The following MBNL2 variants were observed in gnomAD, a reference collection of about 807,000 sequenced individuals.
MBNL2 encodes the protein muscleblind like splicing regulator 2.
A neutral mutation model predicts 41.9 loss-of-function variants in MBNL2; 17 were observed. That is an observed-to-expected ratio of 0.41 (90% CI 0.28 to 0.61). The LOEUF (loss-of-function observed/expected upper bound fraction) is 0.61, where lower values mean the gene tolerates loss of function less well. MBNL2 is among the 20% of genes least tolerant of loss of function. The pLI is 0.35. For synonymous variants in MBNL2, 195 were observed against 182.9 expected (o/e 1.07, Z -0.53); for missense variants, 336 against 505.6 (o/e 0.66, Z 3.22).
At chr13:97,280,140 A>C (rs1456798850) in intron 2 of MBNL2, among the ~76,000 whole-genome samples, 1 of 152,216 alleles carries the variant, frequency 6.6e-6, no homozygotes. Flanking sequence ...GGCCTTGACC[A>C]CATTAACCGT....
chr13:97,355,803 A>AG (rs1339105832), intron 5 of MBNL2, among the ~76,000 whole-genome samples: 3 of 152,140 alleles, frequency 2.0e-5, no homozygotes, highest in Non-Finnish European at 4.4e-5. Flanking sequence ...TGCTATTTTT[A>AG]GCTGTTGTAT....
the MBNL2 span, among the ~76,000 whole-genome samples, chr13:97,205,242 T>G: frequency 6.8e-6 from 1 of 146,482 alleles, no homozygotes; most frequent in South Asian, 2.1e-4. Context: ...ATATATAAAT[T>G]AGTACCTGCT....
the MBNL2 span, among the ~76,000 whole-genome samples, chr13:97,188,342 A>G: frequency 6.6e-6 from 1 of 152,182 alleles, no homozygotes; most frequent in Non-Finnish European, 1.5e-5. Context: ...AAGTACACTC[A>G]TGCACAAATA....
chr13:97,305,105 TTACC>T (rs1174690734), intron 2 of MBNL2, among the ~76,000 whole-genome samples: 1 of 152,248 alleles, frequency 6.6e-6, no homozygotes, highest in Non-Finnish European at 1.5e-5. Context: ...TAAGTGCTAA[TTACC>T]ACCTTCACAG....
At chr13:97,321,835 A>T (rs1403189651) in intron 2 of MBNL2, among the ~76,000 whole-genome samples, 1 of 152,152 alleles carries the variant, frequency 6.6e-6, no homozygotes, top group Non-Finnish European at 1.5e-5. Context: ...GACTGCACAG[A>T]TCTGCCACTT....
chr13:97,348,142 A>T, intron 5 of MBNL2, among the ~76,000 whole-genome samples: 1 of 144,216 alleles, frequency 6.9e-6, no homozygotes, highest in East Asian at 2.0e-4. Flanking sequence ...TGGAATGATC[A>T]TGGGTCACTG....
the MBNL2 span, among the ~76,000 whole-genome samples, chr13:97,154,422 C>A: frequency 6.6e-6 from 1 of 152,122 alleles, no homozygotes; most frequent in Admixed American, 6.6e-5. Context: ...TCAAGCAATT[C>A]TCCTGCCTCA....
rs775745316 is a variant in MBNL2 at position 97,276,232 on chromosome 13, C to A, written c.-4C>A. 1.2e-6 allele frequency: 2 copies of A among 1,610,898 alleles called. No homozygotes were observed. Among genetic ancestry groups the A allele is most frequent in the Admixed American group, 3.3e-5 (2 of 59,808 alleles). On this transcript the variant is annotated 5_prime_UTR_variant, in exon 2 of 9. Transcript: ENST00000679496. ...AAACAAACAGCCCAAATTACTTTAT[C>A]ACCATGGCTTTGAACGTTGCCCCAG...
chr13:97,220,888 A>G (rs1566347376), upstream of MBNL2, among the ~76,000 whole-genome samples: 1 of 152,244 alleles, frequency 6.6e-6, no homozygotes, highest in Non-Finnish European at 1.5e-5. Context: ...AAGTATATTA[A>G]TAATTAAAAG....
chr13:97,300,636 T>G (rs934693758), intron 2 of MBNL2, among the ~76,000 whole-genome samples: 5 of 152,216 alleles, frequency 3.3e-5, no homozygotes, highest in Non-Finnish European at 7.3e-5. Context: ...ACCTCCGAAC[T>G]GACCTCTCTT....
chr13:97,313,614 G>T (rs1276542980), intron 2 of MBNL2, among the ~76,000 whole-genome samples: 1 of 152,214 alleles, frequency 6.6e-6, no homozygotes. Flanking sequence ...TCAGCCTGCT[G>T]CCTAAACAGC....
intron 2 of MBNL2, among the ~76,000 whole-genome samples, chr13:97,322,772 G>A (rs569098254): frequency 5.3e-5 from 8 of 152,068 alleles, no homozygotes; most frequent in Non-Finnish European, 7.4e-5. Context: ...ACTTCTTCCC[G>A]GAAGCATTCC....
At chr13:97,151,425 G>A in the MBNL2 span, among the ~76,000 whole-genome samples, 100 of 152,192 alleles carry the variant, frequency 6.6e-4, no homozygotes, top group African/African-American at 2.3e-3. Flanking sequence ...TTCTAGCATG[G>A]GAAAACACCA....
the MBNL2 span, among the ~76,000 whole-genome samples, chr13:97,183,234 C>T: frequency 6.6e-6 from 1 of 152,124 alleles, no homozygotes; most frequent in Non-Finnish European, 1.5e-5. Flanking sequence ...CTCTGTGTGT[C>T]TCTCTATCCC....
chr13:97,324,969 T>G (rs1381831522), intron 2 of MBNL2, among the ~76,000 whole-genome samples: 12 of 152,198 alleles, frequency 7.9e-5, no homozygotes, highest in Admixed American at 7.9e-4. Context: ...AGGGTGGGTC[T>G]GCCTCTCCCA....
At chr13:97,362,628 G>A (rs914875322) in intron 7 of MBNL2, among the ~76,000 whole-genome samples, 7 of 152,116 alleles carry the variant, frequency 4.6e-5, no homozygotes, top group East Asian at 3.9e-4. Context: ...TAGACCACAC[G>A]GGACCTTTAT....
intron 2 of MBNL2, among the ~76,000 whole-genome samples, chr13:97,310,141 C>A (rs895164081): frequency 6.6e-5 from 10 of 152,144 alleles, no homozygotes; most frequent in Admixed American, 6.5e-4. Context: ...ATGCTGCCTT[C>A]AGGGTTCTGA....
In MBNL2 at chr13:97,357,800, T is replaced by C. The variant is rs1371743987; in HGVS notation, c.1012+165T>C. On this transcript the variant is annotated intron_variant, in intron 7 of 8. Coordinates refer to ENST00000679496, the MANE Select transcript of MBNL2 (RefSeq NM_001382683.1). ...AATGTATTTACCTTACTTTGAATGATAGCTAAAGACTGTTAGGATTCTAAA... is the reference window on the plus strand; with the variant it reads ...AATGTATTTACCTTACTTTGAATGACAGCTAAAGACTGTTAGGATTCTAAA... 2.0e-5 allele frequency: 15 copies of C among 745,174 alleles called. No homozygotes were observed. In the Middle Eastern group the frequency reaches 9.1e-4, roughly 45 times the overall value. The allele number at this position is 745,174 out of a possible 1,614,324, so 46.2% of individuals were successfully genotyped here.
the MBNL2 span, among the ~76,000 whole-genome samples, chr13:97,178,497 AGGAGAAACGT>A: frequency 5.3e-5 from 8 of 152,364 alleles, no homozygotes; most frequent in African/African-American, 1.9e-4. Flanking sequence ...GGGAAAATAG[AGGAGAAACGT>A]GTGTGGGCCC....
Sources: gnomAD v4.1 joint callset for allele counts (sites outside exome capture counted in the v4.1 genomes callset) on GRCh38, gnomAD v4.1.1 for gene constraint, MANE v1.5 for transcripts, NCBI Gene and HGNC (gene_info 2026-07-23, HGNC 2026-07-21) for gene names.